RBMS3: variants seen among roughly 807,000 people sequenced by gnomAD.
The protein encoded by RBMS3 is RNA-binding motif, single-stranded-interacting protein 3.
A neutral mutation model predicts 66.8 loss-of-function variants in RBMS3; 27 were observed. That is an observed-to-expected ratio of 0.40 (90% CI 0.30 to 0.56). RBMS3 has a LOEUF of 0.56. Ranked by LOEUF, RBMS3 falls within the 20% of genes least tolerant of loss-of-function variation. RBMS3 has a pLI of 0.40. For synonymous variants in RBMS3, 188 were observed against 183.0 expected (o/e 1.03, Z -0.22); for missense variants, 513 against 549.5 (o/e 0.93, Z 0.66).
intron 6 of RBMS3, among the ~76,000 whole-genome samples, chr3:29,805,870 T>C (rs1209178696): frequency 6.6e-6 from 1 of 152,008 alleles, no homozygotes; most frequent in Non-Finnish European, 1.5e-5. Context: ...AAGTATACAG[T>C]AGTATACAGT....
intron 4 of RBMS3, among the ~76,000 whole-genome samples, chr3:29,738,822 G>A (rs1379692027): frequency 6.6e-6 from 1 of 152,180 alleles, no homozygotes; most frequent in Non-Finnish European, 1.5e-5. Context: ...TTTGAGACTC[G>A]TTGGTCTAGT....
intron 7 of RBMS3, among the ~76,000 whole-genome samples, chr3:29,883,178 A>C (rs924687792): frequency 2.6e-5 from 4 of 152,100 alleles, no homozygotes; most frequent in African/African-American, 9.7e-5. Context: ...TGGTATGCCC[A>C]TATGGCCACA....
At chr3:29,693,379 T>C (rs1055112409) in intron 4 of RBMS3, among the ~76,000 whole-genome samples, 3 of 152,152 alleles carry the variant, frequency 2.0e-5, no homozygotes, top group Admixed American at 6.5e-5. Flanking sequence ...ATTGAATGCA[T>C]ATACATACAT....
At chr3:29,346,386 G>C (rs1054638376) in intron 1 of RBMS3, among the ~76,000 whole-genome samples, 2 of 148,540 alleles carry the variant, frequency 1.3e-5, no homozygotes, top group African/African-American at 4.9e-5. Flanking sequence ...CCTAGTAAAG[G>C]CAATTCATTC....
chr3:29,462,192 G>A (rs1281609499), intron 2 of RBMS3, among the ~76,000 whole-genome samples: 5 of 152,038 alleles, frequency 3.3e-5, no homozygotes, highest in African/African-American at 9.7e-5. Context: ...ACCAATGTTC[G>A]ATTCCTGAAT....
intron 7 of RBMS3, among the ~76,000 whole-genome samples, chr3:29,873,151 T>A (rs778446341): frequency 6.6e-6 from 1 of 152,146 alleles, no homozygotes; most frequent in Non-Finnish European, 1.5e-5. Context: ...AGTAGTTTGA[T>A]AGGAATAGCA....
chr3:29,588,707 T>C (rs955691209), intron 4 of RBMS3, among the ~76,000 whole-genome samples: 4 of 152,062 alleles, frequency 2.6e-5, no homozygotes, highest in African/African-American at 9.7e-5. Flanking sequence ...ATTTTTTTCA[T>C]GGACTAAGAT....
intron 6 of RBMS3, among the ~76,000 whole-genome samples, chr3:29,782,623 T>C (rs1483758624): frequency 6.6e-6 from 1 of 152,104 alleles, no homozygotes; most frequent in Non-Finnish European, 1.5e-5. Context: ...AAAACAAGCT[T>C]CTTTAACACC....
intron 3 of RBMS3, among the ~76,000 whole-genome samples, chr3:29,582,466 G>A (rs1225308248): frequency 1.3e-5 from 2 of 152,188 alleles, no homozygotes; most frequent in Non-Finnish European, 2.9e-5. Flanking sequence ...GGAGAAAACA[G>A]TGACATTCAG....
intron 3 of RBMS3, among the ~76,000 whole-genome samples, chr3:29,579,321 T>C (rs185362313): frequency 2.0e-5 from 3 of 152,218 alleles, no homozygotes; most frequent in Admixed American, 2.0e-4. Flanking sequence ...GCTGAAACTA[T>C]TGAGTGTGAA....
chr3:29,473,858 A>T (rs1471943393), intron 2 of RBMS3, among the ~76,000 whole-genome samples: 1 of 152,236 alleles, frequency 6.6e-6, no homozygotes, highest in Non-Finnish European at 1.5e-5. Flanking sequence ...CGCCGCGCGC[A>T]GCCCCGGTTC....
intron 1 of RBMS3, among the ~76,000 whole-genome samples, chr3:29,400,069 A>G (rs2039740204): frequency 6.6e-6 from 1 of 152,104 alleles, no homozygotes; most frequent in Non-Finnish European, 1.5e-5. Flanking sequence ...CAAGCAGAAT[A>G]TTTGGCTAGA....
At chr3:29,886,925 G>A (rs1039204138) in intron 8 of RBMS3, among the ~76,000 whole-genome samples, 2 of 151,728 alleles carry the variant, frequency 1.3e-5, no homozygotes, top group Admixed American at 1.3e-4. Context: ...TAAGCAAGTG[G>A]CCATCAAAGA....
At chr3:29,574,976 T>C (rs1330612880) in intron 3 of RBMS3, among the ~76,000 whole-genome samples, 1 of 152,176 alleles carries the variant, frequency 6.6e-6, no homozygotes, top group African/African-American at 2.4e-5. Flanking sequence ...ATTGTAGTTA[T>C]TGTTTTTGAT....
intron 6 of RBMS3, among the ~76,000 whole-genome samples, chr3:29,817,192 C>CTTTTTTTTTTTTTTTTTTTT (rs373365962): frequency 7.9e-6 from 1 of 127,222 alleles, no homozygotes; most frequent in Non-Finnish European, 1.6e-5. Flanking sequence ...ATTTTCTTTT[C>CTTTTTTTTTTTTTTTTTTTT]TTTTTTTTTT....
At chr3:29,585,927 G>A (rs916406456) in intron 3 of RBMS3, among the ~76,000 whole-genome samples, 1 of 152,024 alleles carries the variant, frequency 6.6e-6, no homozygotes, top group Non-Finnish European at 1.5e-5. Context: ...AAAAGAAGAC[G>A]AGATTCGAGG....
At chr3:29,779,540 G>A (rs1000169282) in intron 6 of RBMS3, among the ~76,000 whole-genome samples, 2 of 150,890 alleles carry the variant, frequency 1.3e-5, no homozygotes, top group East Asian at 3.9e-4. Flanking sequence ...ATTGTTTCTA[G>A]GGTTGAAAAG....
chr3:29,473,865 G>A (rs1269147793), intron 2 of RBMS3, among the ~76,000 whole-genome samples: 1 of 152,238 alleles, frequency 6.6e-6, no homozygotes, highest in Non-Finnish European at 1.5e-5. Context: ...CGCAGCCCCG[G>A]TTCCCGCTCG....
intron 12 of RBMS3, among the ~76,000 whole-genome samples, chr3:29,961,972 GTATAATATATATTAATATA>G (rs1372172106): frequency 7.2e-6 from 1 of 139,264 alleles, no homozygotes; most frequent in African/African-American, 2.6e-5. Flanking sequence ...ACATATATAT[GTATAATATATATTAATATA>G]TATAATATAT....
Sources: gnomAD v4.1 joint callset for allele counts (sites outside exome capture counted in the v4.1 genomes callset) on GRCh38, gnomAD v4.1.1 for gene constraint, MANE v1.5 for transcripts, NCBI Gene and HGNC (gene_info 2026-07-23, HGNC 2026-07-21) for gene names.